Variants in ARID1B observed in about 807,000 individuals in gnomAD.
The protein encoded by ARID1B is AT-rich interactive domain-containing protein 1B.
In ARID1B, 30 loss-of-function variants were observed where a neutral mutation model predicts 212.3. That is an observed-to-expected ratio of 0.14 (90% CI 0.11 to 0.19). The LOEUF (loss-of-function observed/expected upper bound fraction) is 0.19. Ranked by LOEUF, ARID1B falls within the 10% of genes least tolerant of loss-of-function variation. The probability of loss-of-function intolerance (pLI) is 1.00; values close to 1 mark genes in which losing one functional copy is unlikely to be tolerated. For missense variants in ARID1B, 2,891 were observed against 3,204.0 expected (o/e 0.90, Z 2.36); for synonymous variants, 1,402 against 1,301.7 (o/e 1.08, Z -1.66).
chr6:156,877,948 A>G (rs898106141), intron 2 of ARID1B, among the ~76,000 whole-genome samples: 1 of 151,566 alleles, frequency 6.6e-6, no homozygotes, highest in African/African-American at 2.4e-5. Context: ...ACTCCTGACC[A>G]CAAGTAATCC....
chr6:156,987,734 C>T (rs1046775954), intron 4 of ARID1B, among the ~76,000 whole-genome samples: 1 of 152,138 alleles, frequency 6.6e-6, no homozygotes, highest in Admixed American at 6.6e-5. Context: ...TTAATATATT[C>T]TCATACTTGA....
At chr6:156,867,787 C>T (rs552294753) in intron 2 of ARID1B, among the ~76,000 whole-genome samples, 1 of 152,322 alleles carries the variant, frequency 6.6e-6, no homozygotes, top group South Asian at 2.1e-4. Context: ...TTCACATGCC[C>T]TGCCCTTTAA....
At chr6:156,851,794 C>T (rs1784595898) in intron 2 of ARID1B, among the ~76,000 whole-genome samples, 1 of 152,226 alleles carries the variant, frequency 6.6e-6, no homozygotes, top group Admixed American at 6.5e-5. Context: ...CCAGCACATA[C>T]TCAGAGCTGA....
At chr6:156,813,228 C>G (rs1000269334) in intron 1 of ARID1B, among the ~76,000 whole-genome samples, 1 of 150,828 alleles carries the variant, frequency 6.6e-6, no homozygotes, top group Admixed American at 6.6e-5. Context: ...CTCAGCCTCC[C>G]GAGTAGCTAC....
rs765425489 is a variant in ARID1B, at chr6:157,190,170, C to T, written c.4191C>T (p.Pro1397=). The T allele has an allele frequency of 6.2e-6, 10 of 1,613,860 alleles. No homozygotes were observed. Among genetic ancestry groups the T allele is most frequent in the African/African-American group, 1.3e-5 (1 of 74,944 alleles). The change falls in exon 15 of 20, where the codon CCC becomes CCT. Residue 1397 remains proline, a synonymous_variant. Coordinates refer to ENST00000636930, the MANE Select transcript of ARID1B (RefSeq NM_001374828.1). This position sits in a 1 kb window ranked among gnomAD's most constrained non-coding sequence, Gnocchi z 4.6. ...TGCCCGATGTGATGGGCAGGATGCC[C>T]TATGAGCCCAACAAGGACCCCTTTG... ...MSMPDVMGRM[P]YEPNKDPFGG...
intron 2 of ARID1B, among the ~76,000 whole-genome samples, chr6:156,857,873 G>A (rs571391597): frequency 1.2e-4 from 18 of 152,312 alleles, no homozygotes; most frequent in African/African-American, 4.3e-4. Context: ...AACCTGTGCT[G>A]CATGTGACTG....
intron 4 of ARID1B, among the ~76,000 whole-genome samples, chr6:156,960,400 T>C (rs2128321478): frequency 6.6e-6 from 1 of 152,346 alleles, no homozygotes; most frequent in Admixed American, 6.5e-5. Flanking sequence ...GTCCTTAAAA[T>C]AATTTATTCT....
rs553936562 is a variant in ARID1B at position 156,960,016 on chromosome 6, C to T, written c.2247+24440C>T. On this transcript the variant is annotated intron_variant, in intron 4 of 19. Transcript: ENST00000636930. ...CGCGATCTTGGCTCATTGCAACCTC[C>T]GCCTCCCAGATTCAAGCGATTCTCC... is the stretch of plus-strand genomic sequence containing the variant. Among the ~76,000 whole-genome samples, 201 of 150,868 alleles carry T rather than the reference C, an allele frequency of 1.3e-3. 1 individual carries two copies. Among genetic ancestry groups the T allele is most frequent in the African/African-American group, 4.7e-3 (195 of 41,070 alleles).
At chr6:157,059,184 G>A (rs983787711) in intron 4 of ARID1B, among the ~76,000 whole-genome samples, 2 of 152,054 alleles carry the variant, frequency 1.3e-5, no homozygotes, top group African/African-American at 2.4e-5. Flanking sequence ...AATCAAATGA[G>A]AAAATGTGAA....
At position 156,901,732 on chromosome 6, in the gene ARID1B, G is replaced by A. The variant is rs1168270110; in HGVS notation, c.2136+207G>A. On this transcript the variant is annotated intron_variant, in intron 3 of 19. Coordinates refer to ENST00000636930, the MANE Select transcript of ARID1B (RefSeq NM_001374828.1). ...GATTGGAGGGTGAGAAGAATGACTG[G>A]TTTAATAGCTGCTTGCATTACTGGT... 6.1e-6 allele frequency: 4 copies of A among 653,156 alleles called. No individual in the cohort carries two copies. In the Admixed American group the frequency reaches 1.3e-4, roughly 21 times the overall value. 40.5% of individuals were successfully genotyped at this position (653,156 alleles called of 1,614,324 possible).
intron 4 of ARID1B, among the ~76,000 whole-genome samples, chr6:157,025,993 C>T (rs537157378): frequency 2.0e-5 from 3 of 151,328 alleles, no homozygotes; most frequent in Admixed American, 1.3e-4. Context: ...GGCACAATTT[C>T]GGCTCACTGC....
intron 1 of ARID1B, among the ~76,000 whole-genome samples, chr6:156,800,194 C>G (rs1021590139): frequency 6.6e-6 from 1 of 152,186 alleles, no homozygotes. Flanking sequence ...GTCTGAAGAA[C>G]CTTTTTCCAA....
At chr6:156,847,225 A>C (rs1395611616) in intron 2 of ARID1B, among the ~76,000 whole-genome samples, 1 of 152,144 alleles carries the variant, frequency 6.6e-6, no homozygotes, top group Admixed American at 6.5e-5. Flanking sequence ...AATGTGCCAG[A>C]GTTTTCAGTG....
chr6:157,025,073 A>G (rs113510407), intron 4 of ARID1B, among the ~76,000 whole-genome samples: 22 of 152,358 alleles, frequency 1.4e-4, no homozygotes, highest in African/African-American at 5.0e-4. Flanking sequence ...TAAATAACAA[A>G]GAATTTTAGT....
At chr6:157,004,038 A>G (rs934986299) in intron 4 of ARID1B, among the ~76,000 whole-genome samples, 2 of 152,022 alleles carry the variant, frequency 1.3e-5, no homozygotes, top group African/African-American at 4.8e-5. Context: ...TGTCAAAACA[A>G]ACAAACACAA....
At chr6:157,169,947 G>A (rs1791598994) in intron 9 of ARID1B, 3 of 152,204 alleles carry the variant, frequency 2.0e-5, no homozygotes. Flanking sequence ...AACATGAAGT[G>A]TCCCGTTAAT....
intron 4 of ARID1B, among the ~76,000 whole-genome samples, chr6:156,969,379 G>A (rs753397113): frequency 1.3e-5 from 2 of 152,110 alleles, no homozygotes; most frequent in Non-Finnish European, 2.9e-5. Flanking sequence ...CTGTTCAGCC[G>A]TGTTGCATTT....
intron 12 of ARID1B, among the ~76,000 whole-genome samples, chr6:157,182,318 G>A (rs1206072373): frequency 5.9e-5 from 9 of 152,316 alleles, no homozygotes; most frequent in African/African-American, 1.9e-4. Flanking sequence ...AGGGTAGTTG[G>A]TGGGGCCAGG....
At chr6:157,030,201 G>C (rs1347251222) in intron 4 of ARID1B, 1 of 152,714 alleles carries the variant, frequency 6.5e-6, no homozygotes, top group African/African-American at 2.4e-5. Context: ...GGCTTGACTG[G>C]CTCTTGGCTA....
Sources: allele counts gnomAD v4.1 joint callset (sites outside exome capture counted in the v4.1 genomes callset), GRCh38; gene constraint gnomAD v4.1.1; non-coding constraint Gnocchi (gnomAD v3.1); transcripts MANE v1.5; gene names NCBI Gene and HGNC (gene_info 2026-07-23, HGNC 2026-07-21).